ERC1: variants seen among roughly 807,000 people sequenced by gnomAD.
ERC1 encodes RAB6 interacting protein 2.
ERC1 carries 56 observed loss-of-function variants against 132.0 expected under a neutral mutation model. That is an observed-to-expected ratio of 0.42 (90% confidence interval 0.34 to 0.53). The LOEUF is 0.53. Ranked by LOEUF, ERC1 falls within the 20% of genes least tolerant of loss-of-function variation. The probability of loss-of-function intolerance (pLI) is 0.03; values close to 1 mark genes in which losing one functional copy is unlikely to be tolerated. For missense variants in ERC1, 1,202 were observed against 1,349.9 expected, an observed-to-expected ratio of 0.89 and a Z score of 1.72; for synonymous variants, 478 against 476.1, an observed-to-expected ratio of 1.00 and a Z score of -0.05.
chr12:1,204,585 A>C, intron 12 of ERC1: 1 of 1,354,144 alleles, frequency 7.4e-7, no homozygotes, highest in Non-Finnish European at 1.0e-6. Context: ...GAATTCTTAC[A>C]GGGAACTGAA....
At chr12:1,420,536 A>T (rs1040300083) in intron 17 of ERC1, among the ~76,000 whole-genome samples, 10 of 152,094 alleles carry the variant, frequency 6.6e-5, no homozygotes, top group Non-Finnish European at 1.0e-4. Flanking sequence ...GCTCGCTACA[A>T]GCTCTGCCTC....
intron 18 of ERC1, among the ~76,000 whole-genome samples, chr12:1,468,629 A>G (rs1211472174): frequency 1.3e-5 from 2 of 151,852 alleles, no homozygotes. Context: ...AGAGAGAGAG[A>G]GGAAAGGAAA....
chr12:1,378,064 T>C (rs946332356), intron 16 of ERC1, among the ~76,000 whole-genome samples: 1 of 152,244 alleles, frequency 6.6e-6, no homozygotes, highest in African/African-American at 2.4e-5. Flanking sequence ...GTGTCGTCTT[T>C]ACCTATCTCA....
chr12:1,247,954 C>G (rs971156679), intron 13 of ERC1, among the ~76,000 whole-genome samples: 1 of 152,156 alleles, frequency 6.6e-6, no homozygotes, highest in South Asian at 2.1e-4. Context: ...CGAGATCATG[C>G]AACTGCACTC....
chr12:1,084,924 A>G (rs985842252), intron 3 of ERC1, among the ~76,000 whole-genome samples: 10 of 151,380 alleles, frequency 6.6e-5, no homozygotes, highest in African/African-American at 2.4e-4. Flanking sequence ...CTGGTCTTGA[A>G]CTCCTGGCCT....
chr12:1,306,718 G>A (rs1258034735), intron 15 of ERC1, among the ~76,000 whole-genome samples: 2 of 152,078 alleles, frequency 1.3e-5, no homozygotes, highest in Admixed American at 1.3e-4. Context: ...TAATCAGAAA[G>A]TTGGGTTTTT....
At chr12:1,270,655 TATA>T (rs1410543944) in intron 14 of ERC1, among the ~76,000 whole-genome samples, 26 of 151,804 alleles carry the variant, frequency 1.7e-4, no homozygotes, top group African/African-American at 6.3e-4. Context: ...ATAATTTTCT[TATA>T]ATATTTAATA....
intron 16 of ERC1, chr12:1,390,849 C>G (rs1429540620): frequency 6.6e-6 from 1 of 152,156 alleles, no homozygotes; most frequent in African/African-American, 2.4e-5. Context: ...CAGTCGCACT[C>G]TGATTCAACC....
chr12:1,218,995 C>T (rs1284893627), intron 12 of ERC1, among the ~76,000 whole-genome samples: 2 of 151,996 alleles, frequency 1.3e-5, no homozygotes, highest in Non-Finnish European at 2.9e-5. Context: ...GCCTCAGCCT[C>T]CTGAGTAGCT....
intron 18 of ERC1, chr12:1,481,040 C>T (rs2094080687): frequency 3.5e-6 from 2 of 577,486 alleles, no homozygotes; most frequent in Non-Finnish European, 6.2e-6. Flanking sequence ...GAGATAAAGT[C>T]TAGTTTATAA....
chr12:1,359,791 C>T (rs1343193747), intron 15 of ERC1, among the ~76,000 whole-genome samples: 1 of 152,194 alleles, frequency 6.6e-6, no homozygotes, highest in Non-Finnish European at 1.5e-5. Flanking sequence ...TCACCGTAAA[C>T]TGTAGTTCCC....
intron 17 of ERC1, among the ~76,000 whole-genome samples, chr12:1,416,721 T>G (rs1209355028): frequency 3.3e-5 from 5 of 152,246 alleles, no homozygotes; most frequent in Non-Finnish European, 7.3e-5. Context: ...TTACTTGGTT[T>G]CAAACTCCTG....
intron 7 of ERC1, among the ~76,000 whole-genome samples, chr12:1,130,535 A>G (rs1452634392): frequency 6.6e-6 from 1 of 152,202 alleles, no homozygotes; most frequent in East Asian, 1.9e-4. Flanking sequence ...TGTGTAGCCA[A>G]TACTGTGTCT....
At chr12:1,288,719 A>C (rs896891986) in intron 14 of ERC1, among the ~76,000 whole-genome samples, 7 of 152,116 alleles carry the variant, frequency 4.6e-5, no homozygotes, top group Non-Finnish European at 7.4e-5. Flanking sequence ...CAAATGCCCC[A>C]CCTCTACCTG....
At chr12:1,004,875 ATATAGAATTCAGG>A (rs139060885) in intron 1 of ERC1, among the ~76,000 whole-genome samples, 314 of 149,824 alleles carry the variant, frequency 2.1e-3, no homozygotes, top group African/African-American at 6.6e-3. Context: ...CTCATTGTTC[ATATAGAATTCAGG>A]TATAGAATTC....
At chr12:1,317,702 G>A (rs1306866712) in intron 15 of ERC1, among the ~76,000 whole-genome samples, 1 of 152,136 alleles carries the variant, frequency 6.6e-6, no homozygotes, top group Non-Finnish European at 1.5e-5. Flanking sequence ...CACACAACCA[G>A]AGCTGAAAAG....
intron 1 of ERC1, among the ~76,000 whole-genome samples, chr12:995,933 G>A (rs1316811554): frequency 6.6e-6 from 1 of 152,178 alleles, no homozygotes; most frequent in African/African-American, 2.4e-5. Flanking sequence ...GGAGGGAACG[G>A]TCAGCGGTGT....
chr12:1,056,450 C>T (rs1972981478), intron 2 of ERC1, among the ~76,000 whole-genome samples: 1 of 151,968 alleles, frequency 6.6e-6, no homozygotes, highest in Admixed American at 6.6e-5. Context: ...CCTGGAGAGG[C>T]TGGTCCTGGT....
chr12:1,400,931 T>G (rs1279410816), intron 16 of ERC1, among the ~76,000 whole-genome samples: 1 of 97,358 alleles, frequency 1.0e-5, no homozygotes, highest in Non-Finnish European at 2.1e-5. Context: ...TTTTTTTTTT[T>G]TTTTTTTTTT....
Sources: gnomAD v4.1 joint callset for allele counts (sites outside exome capture counted in the v4.1 genomes callset) on GRCh38, gnomAD v4.1.1 for gene constraint, MANE v1.5 for transcripts, NCBI Gene and HGNC (gene_info 2026-07-23, HGNC 2026-07-21) for gene names.